Variants in PARD3 observed in about 807,000 individuals in gnomAD.
PARD3 encodes the protein partitioning defective 3 homolog.
A neutral mutation model predicts 155.4 loss-of-function variants in PARD3; 75 were observed. The ratio of observed to expected loss-of-function variants is 0.48; its 90% CI spans 0.40 to 0.58. The LOEUF (loss-of-function observed/expected upper bound fraction) is 0.58, where lower values mean the gene tolerates loss of function less well. PARD3 is among the 20% of genes least tolerant of loss of function. The pLI, the probability that PARD3 is intolerant of heterozygous loss-of-function variation, is 0.00. For missense variants in PARD3, 1,642 were observed against 1,721.7 expected, an observed-to-expected ratio of 0.95 and a Z score of 0.82; for synonymous variants, 576 against 610.5, an observed-to-expected ratio of 0.94 and a Z score of 0.83.
intron 1 of PARD3, among the ~76,000 whole-genome samples, chr10:34,759,944 C>T (rs752416053): frequency 1.1e-4 from 17 of 152,150 alleles, no homozygotes; most frequent in Non-Finnish European, 1.8e-4. Context: ...AAAAATACTT[C>T]GTTTTGGGGA....
intron 2 of PARD3, among the ~76,000 whole-genome samples, chr10:34,673,311 T>G (rs1461613871): frequency 1.3e-5 from 2 of 152,172 alleles, no homozygotes; most frequent in East Asian, 3.8e-4. Flanking sequence ...ACTTAAGGTG[T>G]TTTTTGTTTT....
intron 3 of PARD3, among the ~76,000 whole-genome samples, chr10:34,492,662 T>G (rs1054739170): frequency 1.3e-5 from 2 of 152,262 alleles, no homozygotes; most frequent in African/African-American, 4.8e-5. Flanking sequence ...TTTGTAACCC[T>G]GATGGCATTT....
At chr10:34,695,353 T>C (rs2094147174) in intron 2 of PARD3, among the ~76,000 whole-genome samples, 1 of 151,096 alleles carries the variant, frequency 6.6e-6, no homozygotes, top group Admixed American at 6.6e-5. Context: ...TGCACGCCTA[T>C]AATCCCAGCT....
At chr10:34,312,501 T>C (rs1957756866) in intron 20 of PARD3, 3 of 909,504 alleles carry the variant, frequency 3.3e-6, no homozygotes, top group Non-Finnish European at 5.4e-6. Context: ...ACATTCAGTT[T>C]TTAAAACCTG....
chr10:34,579,268 CAAA>C (rs11463688), intron 2 of PARD3, among the ~76,000 whole-genome samples: 3 of 136,216 alleles, frequency 2.2e-5, no homozygotes, highest in Non-Finnish European at 3.2e-5. Context: ...AGACTGGTCT[CAAA>C]AAAAAAAAAA....
intron 3 of PARD3, among the ~76,000 whole-genome samples, chr10:34,494,116 T>A (rs759405679): frequency 6.6e-6 from 1 of 152,202 alleles, no homozygotes. Flanking sequence ...TACTCTCCCG[T>A]AGTCACCAAA....
At chr10:34,784,364 C>T (rs1234053707) in intron 1 of PARD3, among the ~76,000 whole-genome samples, 1 of 152,068 alleles carries the variant, frequency 6.6e-6, no homozygotes, top group East Asian at 1.9e-4. Context: ...GGATCTTTTA[C>T]ATTCCCCAAT....
chr10:34,145,322 A>C (rs1276865476), intron 22 of PARD3, among the ~76,000 whole-genome samples: 1 of 145,100 alleles, frequency 6.9e-6, no homozygotes, highest in Non-Finnish European at 1.5e-5. Flanking sequence ...GCACTAGGTG[A>C]TTCTTTAATC....
At chr10:34,198,792 G>A (rs661515) in intron 22 of PARD3, among the ~76,000 whole-genome samples, 1 of 151,900 alleles carries the variant, frequency 6.6e-6, no homozygotes, top group Non-Finnish European at 1.5e-5. Flanking sequence ...CAGAGGGAAA[G>A]TCAAACAGTC....
chr10:34,428,145 C>G (rs1393798184), intron 5 of PARD3, among the ~76,000 whole-genome samples: 1 of 152,168 alleles, frequency 6.6e-6, no homozygotes, highest in Non-Finnish European at 1.5e-5. Context: ...CAACAAACCT[C>G]CAGCATTTCC....
intron 2 of PARD3, among the ~76,000 whole-genome samples, chr10:34,566,133 C>T (rs1258290519): frequency 6.6e-6 from 1 of 152,184 alleles, no homozygotes; most frequent in Non-Finnish European, 1.5e-5. Flanking sequence ...CTGTTACCAC[C>T]ACAACCAACA....
At chr10:34,811,729 A>G (rs971024057) in intron 1 of PARD3, among the ~76,000 whole-genome samples, 1 of 152,078 alleles carries the variant, frequency 6.6e-6, no homozygotes, top group Admixed American at 6.5e-5. Context: ...TTTTTCATAG[A>G]GCATGACTTT....
chr10:34,213,156 G>T (rs532158553), intron 22 of PARD3, among the ~76,000 whole-genome samples: 17 of 152,232 alleles, frequency 1.1e-4, no homozygotes, highest in Admixed American at 3.3e-4. Context: ...TTCAAGATTG[G>T]GCAGCTGCAT....
Position 34,695,127 on chromosome 10 carries a change from G to A in PARD3, c.222+1191C>T, listed in dbSNP as rs375337501. ...GCTGCCTCCATACTACCATGCTGAT[G>A]TAACTATGTATGTGGCTATGAGCCC... is the stretch of plus-strand genomic sequence containing the variant. On this transcript the variant is annotated intron_variant, in intron 2 of 24. Transcript: ENST00000374788. Among the ~76,000 whole-genome samples the A allele has an allele frequency of 8.0e-4, 122 of 152,348 alleles. 1 individual carries two copies. The highest frequency in any genetic ancestry group is 2.9e-3 in the African/African-American group (121 of 41,586).
intron 3 of PARD3, among the ~76,000 whole-genome samples, chr10:34,486,165 G>C (rs1310923532): frequency 2.0e-5 from 3 of 152,068 alleles, no homozygotes; most frequent in Non-Finnish European, 2.9e-5. Flanking sequence ...TGATCCTCCT[G>C]CCATGACCTC....
At chr10:34,813,454 T>C (rs1208511155) in intron 1 of PARD3, among the ~76,000 whole-genome samples, 2 of 152,278 alleles carry the variant, frequency 1.3e-5, no homozygotes, top group South Asian at 2.1e-4. Flanking sequence ...TTCTTTCCCT[T>C]TGTCAGCTTT....
intron 22 of PARD3, among the ~76,000 whole-genome samples, chr10:34,149,433 C>T (rs368120048): frequency 2.0e-5 from 3 of 152,016 alleles, no homozygotes; most frequent in Non-Finnish European, 4.4e-5. Context: ...AATATCTTTA[C>T]AATGTAATGA....
chr10:34,769,527 A>G (rs1564600724), intron 1 of PARD3, among the ~76,000 whole-genome samples: 1 of 151,978 alleles, frequency 6.6e-6, no homozygotes, highest in Non-Finnish European at 1.5e-5. Flanking sequence ...AGGCTGAGGC[A>G]GGTGGATCAC....
At chr10:34,711,197 C>T (rs1010552495) in intron 1 of PARD3, among the ~76,000 whole-genome samples, 3 of 151,506 alleles carry the variant, frequency 2.0e-5, no homozygotes, top group Non-Finnish European at 2.9e-5. Context: ...ACAAAAACTC[C>T]CCCTCCATGA....
Sources: gnomAD v4.1 joint callset for allele counts (sites outside exome capture counted in the v4.1 genomes callset) on GRCh38, gnomAD v4.1.1 for gene constraint, MANE v1.5 for transcripts, NCBI Gene and HGNC (gene_info 2026-07-23, HGNC 2026-07-21) for gene names.